Variants in CSGALNACT1 observed in about 807,000 individuals in gnomAD.
CSGALNACT1 encodes chondroitin sulfate N-acetylgalactosaminyltransferase 1.
A neutral mutation model predicts 51.0 loss-of-function variants in CSGALNACT1; 52 were observed. The ratio of observed to expected loss-of-function variants is 1.02; its 90% CI spans 0.82 to 1.29. The LOEUF (loss-of-function observed/expected upper bound fraction) is 1.29. Among genes scored for constraint, CSGALNACT1 ranks in the 50% most tolerant of loss-of-function variants. CSGALNACT1 has a pLI of 0.00. For missense variants in CSGALNACT1, 935 were observed against 679.2 expected (o/e 1.38, Z -4.19); for synonymous variants, 341 against 254.4 (o/e 1.34, Z -3.24).
chr8:19,611,916 G>A (rs952025332), intron 1 of CSGALNACT1, among the ~76,000 whole-genome samples: 3 of 151,866 alleles, frequency 2.0e-5, no homozygotes, highest in African/African-American at 7.3e-5. Context: ...CATGTCTCCT[G>A]CTTGGATCTG....
intron 3 of CSGALNACT1, among the ~76,000 whole-genome samples, chr8:19,584,967 A>G (rs1006544591): frequency 5.3e-5 from 8 of 152,200 alleles, no homozygotes; most frequent in African/African-American, 1.9e-4. Flanking sequence ...AATAGACTTA[A>G]GTCTGAATTC....
At chr8:19,651,932 TTTG>T (rs2057846620) in intron 1 of CSGALNACT1, among the ~76,000 whole-genome samples, 1 of 150,826 alleles carries the variant, frequency 6.6e-6, no homozygotes, top group Non-Finnish European at 1.5e-5. Context: ...TTTGTTTTGT[TTTG>T]TTTTGACTTT....
chr8:19,406,984 C>T lies in CSGALNACT1; in HGVS notation c.1310-915G>A, dbSNP rs144517302. Among the ~76,000 whole-genome samples the T allele has an allele frequency of 3.6e-3, 549 of 152,328 alleles. 2 individuals are homozygous for T. Among genetic ancestry groups the T allele is most frequent in the Middle Eastern group, 0.017 (5 of 294 alleles). On this transcript the variant is annotated intron_variant, in intron 9 of 9. Coordinates refer to ENST00000454498, the Ensembl canonical transcript of CSGALNACT1. The stretch of plus-strand genomic sequence containing the variant: ...TTGGCCTCCCAGAGTGCTGGGAATA[C>T]AGGCATGAGCCACCACGCTCGGCCT...
chr8:19,462,646 C>G (rs889549742), intron 4 of CSGALNACT1, among the ~76,000 whole-genome samples: 3 of 152,180 alleles, frequency 2.0e-5, no homozygotes, highest in African/African-American at 7.2e-5. Context: ...GGTCACAGCA[C>G]CCAGGCTCAC....
chr8:19,745,448 C>T (rs7845430), intron 1 of CSGALNACT1, among the ~76,000 whole-genome samples: 25,418 of 152,108 alleles, frequency 0.17, 2,249 homozygotes, highest in Middle Eastern at 0.31. Context: ...TCCAATTTTT[C>T]ACTTGTGCCC....
At chr8:19,405,875 C>A (rs2153657520) in exon 10 of CSGALNACT1, 1 of 1,614,146 alleles carries the variant, frequency 6.2e-7, no homozygotes, top group East Asian at 2.2e-5. Context: ...CCGTGGGATG[C>A]CTCGTTCATG....
chr8:19,567,649 A>C (rs1220628200), intron 3 of CSGALNACT1, among the ~76,000 whole-genome samples: 1 of 152,268 alleles, frequency 6.6e-6, no homozygotes, highest in Admixed American at 6.5e-5. Flanking sequence ...CAAGGAAAAT[A>C]AATGTGAAAA....
intron 1 of CSGALNACT1, among the ~76,000 whole-genome samples, chr8:19,707,797 T>A (rs1402326604): frequency 1.3e-5 from 2 of 152,048 alleles, no homozygotes; most frequent in East Asian, 3.9e-4. Flanking sequence ...GGTCAGGAGA[T>A]CGAGATCAGC....
At chr8:19,648,153 C>A (rs1266839623) in intron 1 of CSGALNACT1, among the ~76,000 whole-genome samples, 1 of 152,194 alleles carries the variant, frequency 6.6e-6, no homozygotes, top group African/African-American at 2.4e-5. Flanking sequence ...GCTCACTAGA[C>A]CACTTACTTG....
intron 3 of CSGALNACT1, among the ~76,000 whole-genome samples, chr8:19,514,548 C>G (rs2079143009): frequency 7.4e-6 from 1 of 135,580 alleles, no homozygotes; most frequent in Non-Finnish European, 1.5e-5. Flanking sequence ...AGGCCAGGCA[C>G]AGTGGCTCTC....
rs80257038 is a variant in CSGALNACT1 at position 19,728,715 on chromosome 8, G to T, written c.-297+29135C>A. On this transcript the variant is annotated intron_variant, in intron 1 of 1. Transcript: ENST00000517494. Reference sequence around the variant, plus strand: ...CACGCTGCCTCTGCATAAAAAGGTGGCTTGTTAATTCATTTCTCGAGTTTT... The same window carrying T: ...CACGCTGCCTCTGCATAAAAAGGTGTCTTGTTAATTCATTTCTCGAGTTTT... Among the ~76,000 whole-genome samples the T allele has an allele frequency of 7.5e-3, 1,147 of 152,182 alleles. 14 individuals carry two copies. The highest frequency in any genetic ancestry group is 0.026 in the African/African-American group (1,079 of 41,510).
chr8:19,446,879 A>AATAAACCC (rs984937255), intron 5 of CSGALNACT1, among the ~76,000 whole-genome samples: 74 of 152,316 alleles, frequency 4.9e-4, no homozygotes, highest in African/African-American at 1.8e-3. Context: ...CAACAACAAA[A>AATAAACCC]ATAAACCCAT....
chr8:19,456,108 C>T (rs76292820), intron 5 of CSGALNACT1, among the ~76,000 whole-genome samples: 17,925 of 152,238 alleles, frequency 0.12, 1,260 homozygotes, highest in Middle Eastern at 0.2. Flanking sequence ...CGTTTTGAGG[C>T]TTGTAAGCTA....
intron 3 of CSGALNACT1, chr8:19,532,087 C>A (rs1434973564): frequency 6.6e-6 from 1 of 152,014 alleles, no homozygotes; most frequent in Non-Finnish European, 1.5e-5. Flanking sequence ...AAATTCTAGG[C>A]TCTGTTGGTC....
chr8:19,582,723 G>A (rs933125318), intron 3 of CSGALNACT1, among the ~76,000 whole-genome samples: 3 of 152,080 alleles, frequency 2.0e-5, no homozygotes, highest in Admixed American at 6.5e-5. Flanking sequence ...GTCTAAAAAG[G>A]AAGCCACCAT....
At chr8:19,616,842 G>T (rs187468691) in intron 1 of CSGALNACT1, among the ~76,000 whole-genome samples, 1 of 152,146 alleles carries the variant, frequency 6.6e-6, no homozygotes, top group Non-Finnish European at 1.5e-5. Context: ...TTAAGCCAGC[G>T]GTCCCCAACC....
At chr8:19,606,669 C>T (rs2051417018), upstream of CSGALNACT1, among the ~76,000 whole-genome samples, 1 of 152,124 alleles carries the variant, frequency 6.6e-6, no homozygotes, top group South Asian at 2.1e-4. Context: ...ATTTTTAATT[C>T]CTTTTTCATT....
intron 1 of CSGALNACT1, among the ~76,000 whole-genome samples, chr8:19,676,686 CACCTATAAATT>C (rs2060216091): frequency 6.6e-6 from 1 of 151,832 alleles, no homozygotes; most frequent in South Asian, 2.1e-4. Flanking sequence ...TTGGTAAGAA[CACCTATAAATT>C]AAGCAGCAGG....
Position 19,461,815 on chromosome 8 carries a change from G to C in CSGALNACT1, c.635-3173C>G, listed in dbSNP as rs1464338651. Among the ~76,000 whole-genome samples the C allele has an allele frequency of 1.5e-4, 11 of 72,104 alleles. 1 individual carries two copies. The highest frequency in any genetic ancestry group is 2.0e-4 in the Admixed American group (1 of 5,100). The allele number at this position is 72,104 out of a possible 152,430, so 47.3% of individuals were successfully genotyped here. ...CCATGGAGGGCGTATCCCCACAGCA[G>C]CCACATTAGCCATGGAGGGTGTATC... On this transcript the variant is annotated intron_variant, in intron 4 of 9. Transcript: ENST00000454498.
Sources: allele counts gnomAD v4.1 joint callset (sites outside exome capture counted in the v4.1 genomes callset), GRCh38; gene constraint gnomAD v4.1.1; transcripts MANE v1.5; gene names NCBI Gene and HGNC (gene_info 2026-07-23, HGNC 2026-07-21).